ATL2: variants seen among roughly 807,000 people sequenced by gnomAD.
The protein encoded by ATL2 is atlastin GTPase 2, also known as atlastin-2.
In ATL2, 31 loss-of-function variants were observed where a neutral mutation model predicts 73.9. The ratio of observed to expected loss-of-function variants is 0.42; its 90% confidence interval spans 0.32 to 0.57. The LOEUF is 0.57. Among genes scored for constraint, ATL2 ranks in the 20% least tolerant of loss-of-function variants. The pLI is 0.14. For synonymous variants in ATL2, 291 were observed against 237.5 expected (o/e 1.23, Z -2.07); for missense variants, 738 against 702.6 (o/e 1.05, Z -0.57).
intron 1 of ATL2, among the ~76,000 whole-genome samples, chr2:38,364,908 G>C (rs1457617749): frequency 6.6e-6 from 1 of 152,160 alleles, no homozygotes; most frequent in African/African-American, 2.4e-5. Flanking sequence ...GCCATGCGTG[G>C]TGGCACACGC....
At chr2:38,330,595 T>G (rs779279188) in intron 2 of ATL2, among the ~76,000 whole-genome samples, 6 of 152,204 alleles carry the variant, frequency 3.9e-5, no homozygotes, top group African/African-American at 4.8e-5. Context: ...GTCAAGTATA[T>G]GAACTATACA....
At chr2:38,358,168 TGTAA>T (rs1670788832) in intron 1 of ATL2, among the ~76,000 whole-genome samples, 2 of 152,318 alleles carry the variant, frequency 1.3e-5, no homozygotes, top group African/African-American at 4.8e-5. Context: ...GTGTTTAGGA[TGTAA>T]GTGTCATTCA....
chr2:38,377,700 G>C (rs1288562491), upstream of ATL2, among the ~76,000 whole-genome samples: 1 of 152,158 alleles, frequency 6.6e-6, no homozygotes, highest in Non-Finnish European at 1.5e-5. Flanking sequence ...TCCTGCACGT[G>C]AGGTGGCTTT....
intron 6 of ATL2, 61 bp downstream of exon 6, chr2:38,314,547 C>T: frequency 8.2e-7 from 1 of 1,225,626 alleles, no homozygotes; most frequent in Non-Finnish European, 1.2e-6. Context: ...AAATTACAAA[C>T]TGAGGTGGCT....
intron 1 of ATL2, among the ~76,000 whole-genome samples, chr2:38,348,091 A>G (rs893180826): frequency 5.3e-5 from 8 of 152,062 alleles, no homozygotes; most frequent in Admixed American, 1.3e-4. Context: ...TTTATAAGCA[A>G]ATATGATAAT....
chr2:38,315,222 G>C (rs1430622830), intron 5 of ATL2, 62 bp downstream of exon 5: 1 of 1,380,018 alleles, frequency 7.2e-7, no homozygotes, highest in Admixed American at 3.7e-5. Flanking sequence ...CCGTACTCTA[G>C]TCTGGGGAAC....
Position 38,310,395 on chromosome 2 carries a change from T to A in ATL2, c.857A>T (p.Asn286Ile). The A allele has an allele frequency of 6.2e-7, 1 of 1,612,944 alleles. No homozygotes were observed. The highest frequency in any genetic ancestry group is 8.5e-7 in the Non-Finnish European group (1 of 1,179,520). ...GAAGCAACCAAGATTTGAGAAACAA[T>A]TGTGTATGTGCTTCCTTACATTCTG... ...ELQNVRKHIH[N>I]CFSNLGCFLL... is the part of the protein sequence containing the mutation. The change falls in exon 8 of 13, where the codon AAT becomes ATT. Residue 286 changes from asparagine to isoleucine, a missense_variant. Coordinates refer to ENST00000378954, the MANE Select transcript of ATL2 (RefSeq NM_001135673.4).
chr2:38,375,392 G>C (rs1014695499), intron 1 of ATL2, among the ~76,000 whole-genome samples: 3 of 152,160 alleles, frequency 2.0e-5, no homozygotes, highest in African/African-American at 7.2e-5. Flanking sequence ...TCAAGTGAAG[G>C]TCTTGCTGAT....
intron 2 of ATL2, among the ~76,000 whole-genome samples, chr2:38,340,605 T>G (rs1038011695): frequency 2.0e-5 from 3 of 152,152 alleles, no homozygotes; most frequent in Non-Finnish European, 4.4e-5. Flanking sequence ...AAACTTAAAC[T>G]GTCAGTATGT....
At chr2:38,334,977 T>G (rs1399964478) in intron 2 of ATL2, among the ~76,000 whole-genome samples, 1 of 128,220 alleles carries the variant, frequency 7.8e-6, no homozygotes, top group Non-Finnish European at 1.6e-5. Flanking sequence ...TAAGCTAAAC[T>G]TCTACATTAA....
chr2:38,334,804 C>T (rs1460524533), intron 2 of ATL2, among the ~76,000 whole-genome samples: 1 of 116,782 alleles, frequency 8.6e-6, no homozygotes, highest in Admixed American at 1.0e-4. Context: ...TACATAAGTT[C>T]TATAGTTTCA....
chr2:38,317,793 C>G (rs922050095), intron 4 of ATL2, among the ~76,000 whole-genome samples: 1 of 114,408 alleles, frequency 8.7e-6, no homozygotes, highest in Non-Finnish European at 1.7e-5. Context: ...CATGTGATAT[C>G]TTTTCCTTTA....
chr2:38,320,318 A>T (rs1431365323), intron 2 of ATL2, among the ~76,000 whole-genome samples: 1 of 152,170 alleles, frequency 6.6e-6, no homozygotes, highest in Non-Finnish European at 1.5e-5. Context: ...AAGAGTCCTT[A>T]TCTATTAGAT....
chr2:38,348,037 G>A (rs1045754044), intron 1 of ATL2, among the ~76,000 whole-genome samples: 1 of 151,368 alleles, frequency 6.6e-6, no homozygotes, highest in African/African-American at 2.4e-5. Flanking sequence ...AAAGTACTAG[G>A]ATTACAGGCA....
At chr2:38,359,593 T>C (rs1388554168) in intron 1 of ATL2, 1 of 152,208 alleles carries the variant, frequency 6.6e-6, no homozygotes, top group African/African-American at 2.4e-5. Flanking sequence ...CATACTATTT[T>C]CCACTTGAAA....
At chr2:38,377,070 G>A (rs1328504706) in intron 1 of ATL2, 73 bp downstream of exon 1, 10 of 1,430,226 alleles carry the variant, frequency 7.0e-6, no homozygotes, top group Non-Finnish European at 7.6e-6. Flanking sequence ...GCCTGCGGCC[G>A]GTGCCCGCGA....
At chr2:38,356,723 TTAATG>T (rs1419126260) in intron 1 of ATL2, among the ~76,000 whole-genome samples, 1 of 152,214 alleles carries the variant, frequency 6.6e-6, no homozygotes, top group African/African-American at 2.4e-5. Context: ...AACAAAACTG[TTAATG>T]TAAATAAAAT....
intron 2 of ATL2, among the ~76,000 whole-genome samples, chr2:38,339,699 T>G (rs1323906446): frequency 6.6e-6 from 1 of 152,052 alleles, no homozygotes; most frequent in African/African-American, 2.4e-5. Flanking sequence ...ATTTTATTTA[T>G]TTATTTTTGA....
chr2:38,325,751 C>G (rs1435981530), intron 2 of ATL2, among the ~76,000 whole-genome samples: 1 of 142,040 alleles, frequency 7.0e-6, no homozygotes, highest in Admixed American at 6.9e-5. Flanking sequence ...CACACACACA[C>G]ACACACACAC....
Sources: gnomAD v4.1 joint callset for allele counts (sites outside exome capture counted in the v4.1 genomes callset) on GRCh38, gnomAD v4.1.1 for gene constraint, MANE v1.5 for transcripts, NCBI Gene and HGNC (gene_info 2026-07-23, HGNC 2026-07-21) for gene names.